Variants in MYOM2 observed in about 807,000 individuals in gnomAD.
The protein encoded by MYOM2 is myomesin 2.
MYOM2 carries 254 observed loss-of-function variants against 187.6 expected under a neutral mutation model. The ratio of observed to expected loss-of-function variants is 1.35; its 90% CI spans 1.22 to 1.50. The LOEUF (loss-of-function observed/expected upper bound fraction) is 1.50. Among genes scored for constraint, MYOM2 ranks in the 40% most tolerant of loss-of-function variants. The pLI, the probability that MYOM2 is intolerant of heterozygous loss-of-function variation, is 0.00. For synonymous variants in MYOM2, 981 were observed against 753.8 expected (o/e 1.30, Z -4.94); for missense variants, 2,796 against 1,924.0 (o/e 1.45, Z -8.48).
chr8:2,123,466 G>A (rs1797527910), intron 29 of MYOM2, 89 bp from the exon 30 acceptor site: 3 of 1,478,830 alleles, frequency 2.0e-6, no homozygotes, highest in Non-Finnish European at 9.4e-7. Flanking sequence ...AATTTCGGTG[G>A]TTTGCAAAGA....
intron 6 of MYOM2, among the ~76,000 whole-genome samples, chr8:2,061,947 G>A (rs1047598351): frequency 1.3e-5 from 2 of 152,214 alleles, no homozygotes; most frequent in African/African-American, 2.4e-5. Flanking sequence ...GATGAGTGAA[G>A]GACACAGCCA....
chr8:2,123,527 A>C, intron 29 of MYOM2, 28 bp from the exon 30 acceptor site: 1 of 1,595,974 alleles, frequency 6.3e-7, no homozygotes, highest in East Asian at 2.2e-5. Context: ...TTGACTTTAC[A>C]TAAATATGGA....
chr8:2,070,347 C>A (rs1453631515), intron 8 of MYOM2, among the ~76,000 whole-genome samples: 1 of 152,192 alleles, frequency 6.6e-6, no homozygotes, highest in Non-Finnish European at 1.5e-5. Flanking sequence ...GAGGGTGGAG[C>A]CTCCTGGCAG....
At chr8:2,072,658 G>T in intron 9 of MYOM2, 149 bp downstream of exon 9, 1 of 1,031,948 alleles carries the variant, frequency 9.7e-7, no homozygotes, top group Non-Finnish European at 1.4e-6. Context: ...AGAGGACTTG[G>T]TGGCCCACCG....
chr8:2,073,092 C>T (rs543655016), intron 9 of MYOM2, among the ~76,000 whole-genome samples: 33 of 152,292 alleles, frequency 2.2e-4, no homozygotes, highest in Admixed American at 1.0e-3. Context: ...AGCTGGCGGC[C>T]GCTCGCAGCA....
rs1430503749 is a variant in MYOM2 at position 2,059,885 on chromosome 8, G to A, written c.653+640G>A. 2.6e-5 allele frequency among the ~76,000 whole-genome samples: 4 copies of A among 152,022 alleles called. No homozygotes were observed. The East Asian group carries it at 7.8e-4, about 30-fold the overall frequency. On this transcript the variant is annotated intron_variant, in intron 6 of 36. Transcript: ENST00000262113. Reference sequence around the variant, plus strand: ...AGCCTCCCCAGTAGTGGGGATTACAGACATGGGCCATCACGCCCAGCTAAT... The same window carrying A: ...AGCCTCCCCAGTAGTGGGGATTACAAACATGGGCCATCACGCCCAGCTAAT...
At chr8:2,074,335 A>C (rs1819340196) in intron 10 of MYOM2, among the ~76,000 whole-genome samples, 1 of 152,166 alleles carries the variant, frequency 6.6e-6, no homozygotes, top group African/African-American at 2.4e-5. Flanking sequence ...TCTCTAGGGT[A>C]GAGAAGCTCA....
In MYOM2 at chr8:2,059,161, A is replaced by T; in HGVS notation, c.569A>T (p.Asp190Val). The change falls in exon 6 of 37, where the codon GAT (aspartate) becomes GTT (valine). Residue 190 changes from aspartate (D) to valine (V), a missense_variant. By Grantham distance (152) the Asp-to-Val change is radical. Transcript: ENST00000262113. ...ATGCCTCCCTCATTTAGGTACAAAGATGGCAGTCTGATTTGCCAGGCGGCT... is the reference window on the plus strand; with the variant it reads ...ATGCCTCCCTCATTTAGGTACAAAGTTGGCAGTCTGATTTGCCAGGCGGCT... Reference protein sequence around the residue: ...FPTPVVQWYKDGSLICQAAEP... With the variant: ...FPTPVVQWYKVGSLICQAAEP... 1 of 1,614,104 alleles carries T rather than the reference A, an allele frequency of 6.2e-7. No individual in the cohort carries two copies. Among genetic ancestry groups the T allele is most frequent in the Non-Finnish European group, 8.5e-7 (1 of 1,179,968 alleles).
At chr8:2,142,170 A>G (rs1377064923) in intron 34 of MYOM2, among the ~76,000 whole-genome samples, 1 of 152,166 alleles carries the variant, frequency 6.6e-6, no homozygotes, top group Non-Finnish European at 1.5e-5. Context: ...TTCCACCTCA[A>G]AATGGGCAGT....
intron 18 of MYOM2, chr8:2,097,203 T>A (rs1406400921): frequency 1.7e-6 from 1 of 580,978 alleles, no homozygotes; most frequent in African/African-American, 2.0e-5. Flanking sequence ...TATAAATCTA[T>A]CTCTTTATAA....
chr8:2,086,387 TCCCACTG>T (rs1796057152), intron 14 of MYOM2, among the ~76,000 whole-genome samples: 2 of 4,152 alleles, frequency 4.8e-4, no homozygotes, highest in African/African-American at 1.8e-3. Context: ...CTGCGTGGCC[TCCCACTG>T]TTGTGATCTC....
chr8:2,095,366 C>A (rs566149705), intron 17 of MYOM2, among the ~76,000 whole-genome samples: 1 of 151,586 alleles, frequency 6.6e-6, no homozygotes, highest in African/African-American at 2.4e-5. Context: ...ATCACAGCTC[C>A]CTGCAGCCTT....
chr8:2,073,129 C>T (rs1466783836), intron 9 of MYOM2, among the ~76,000 whole-genome samples: 1 of 152,208 alleles, frequency 6.6e-6, no homozygotes, highest in African/African-American at 2.4e-5. Context: ...ACTCAAGTGG[C>T]AGCCTGTGTT....
At chr8:2,126,312 CTGACA>C (rs1797632742) in intron 31 of MYOM2, among the ~76,000 whole-genome samples, 1 of 152,102 alleles carries the variant, frequency 6.6e-6, no homozygotes, top group African/African-American at 2.4e-5. Flanking sequence ...GAGTCTCTCC[CTGACA>C]TATCAGAATG....
At chr8:2,142,774 T>G (rs1798321413) in intron 35 of MYOM2, among the ~76,000 whole-genome samples, 2 of 145,538 alleles carry the variant, frequency 1.4e-5, no homozygotes, top group Admixed American at 1.4e-4. Flanking sequence ...TTTTTTTTTT[T>G]TGACAGAGTC....
chr8:2,121,951 C>T (rs992013788), intron 28 of MYOM2, among the ~76,000 whole-genome samples: 3 of 152,092 alleles, frequency 2.0e-5, no homozygotes, highest in Non-Finnish European at 4.4e-5. Context: ...AGAGAAGAAA[C>T]AAATGAGTTA....
chr8:2,050,886 T>C lies in MYOM2; in HGVS notation c.107+13T>C, dbSNP rs777664041. The C allele has an allele frequency of 6.3e-7, 1 of 1,588,976 alleles. No individual in the cohort carries two copies. The highest frequency in any genetic ancestry group is 1.1e-5 in the South Asian group (1 of 90,380). On this transcript the variant is annotated intron_variant, in intron 2 of 36. Transcript: ENST00000262113. Reference sequence around the variant, plus strand: ...ATGCGTCAAAAAAGTAAGCTGACATTCGCTGATGAGACGCGCAGAGCTTTG... The same window carrying C: ...ATGCGTCAAAAAAGTAAGCTGACATCCGCTGATGAGACGCGCAGAGCTTTG...
intron 8 of MYOM2, 88 bp downstream of exon 8, chr8:2,069,585 T>TA: frequency 6.8e-7 from 1 of 1,477,156 alleles, no homozygotes; most frequent in Non-Finnish European, 9.4e-7. Context: ...AAGGGCCAAA[T>TA]CTTTTTTTTT....
intron 17 of MYOM2, among the ~76,000 whole-genome samples, chr8:2,095,479 A>T (rs545821142): frequency 1.3e-5 from 2 of 152,004 alleles, no homozygotes; most frequent in Non-Finnish European, 1.5e-5. Flanking sequence ...TTTTGTAGAG[A>T]TGGGGTTTTA....
Sources: allele counts gnomAD v4.1 joint callset (sites outside exome capture counted in the v4.1 genomes callset), GRCh38; gene constraint gnomAD v4.1.1; transcripts MANE v1.5; gene names NCBI Gene and HGNC (gene_info 2026-07-23, HGNC 2026-07-21).